Variants in MEGF8 observed in about 807,000 individuals in gnomAD.
MEGF8 encodes the protein multiple EGF like domains 8.
MEGF8 carries 156 observed loss-of-function variants against 302.9 expected under a neutral mutation model. The ratio of observed to expected loss-of-function variants is 0.52; its 90% CI spans 0.45 to 0.59. The LOEUF (loss-of-function observed/expected upper bound fraction) is 0.59, where lower values mean the gene tolerates loss of function less well. MEGF8 is among the 20% of genes least tolerant of loss of function. MEGF8 has a pLI of 0.00. For missense variants in MEGF8, 3,345 were observed against 3,964.5 expected (o/e 0.84, Z 4.20); for synonymous variants, 1,621 against 1,660.5 (o/e 0.98, Z 0.58).
At chr19:42,335,461 C>T in intron 5 of MEGF8, 76 bp downstream of exon 5, 9 of 1,345,594 alleles carry the variant, frequency 6.7e-6, no homozygotes, top group South Asian at 2.4e-5. Flanking sequence ...GAATGATCCC[C>T]TATCACCTAG....
chr19:42,368,605 G>T lies in MEGF8; in HGVS notation c.6424G>T (p.Gly2142Trp), dbSNP rs770495431. Residue 2142 changes from glycine to tryptophan, a missense_variant, in exon 36 of 42, where the codon GGG becomes TGG. Transcript: ENST00000251268. The surrounding 1 kb of genome is among the most constrained non-coding windows in gnomAD (Gnocchi z 4.9). ...RRPHCGWCAW[G>W]GQDGGGRCME... is the part of the protein sequence containing the mutation. ...CCCCCATTGCGGCTGGTGTGCCTGG[G>T]GGGGCCAGGATGGGGGTGGCCGCTG... The T allele has an allele frequency of 1.3e-5, 20 of 1,572,650 alleles. No individual in the cohort carries two copies. Among genetic ancestry groups the T allele is most frequent in the Non-Finnish European group, 1.6e-5 (19 of 1,159,844 alleles).
rs754382502 is a variant in MEGF8, at chr19:42,370,295, T to C, written c.6941T>C (p.Ile2314Thr). 6.2e-7 allele frequency: 1 copy of C among 1,613,038 alleles called. No homozygotes were observed. The highest frequency in any genetic ancestry group is 8.5e-7 in the Non-Finnish European group (1 of 1,179,600). Reference protein sequence around the residue: ...AFCRGNSHICISRKELQMSKG... With the variant: ...AFCRGNSHICTSRKELQMSKG... ...TGTCGTGGAAATAGCCACATCTGCATCTCCAGGAAGGAGTTACAAATGTCC... is the reference window on the plus strand; with the variant it reads ...TGTCGTGGAAATAGCCACATCTGCACCTCCAGGAAGGAGTTACAAATGTCC... The change falls in exon 39 of 42, where the codon ATC becomes ACC. Residue 2314 changes from isoleucine (I) to threonine (T), a missense_variant. Coordinates refer to ENST00000251268, the MANE Select transcript of MEGF8 (RefSeq NM_001271938.2).
chr19:42,362,319 A>ACCGAGTT, intron 33 of MEGF8, 65 bp from the exon 34 acceptor site: 1 of 1,610,918 alleles, frequency 6.2e-7, no homozygotes, highest in East Asian at 2.2e-5. Flanking sequence ...CTCAGGAACC[A>ACCGAGTT]CCGAGTTCTC....
At chr19:42,331,164 C>T (rs1289203556) in intron 1 of MEGF8, among the ~76,000 whole-genome samples, 2 of 152,160 alleles carry the variant, frequency 1.3e-5, no homozygotes, top group Non-Finnish European at 2.9e-5. Flanking sequence ...GTCATCACCT[C>T]GTTGAATGTT....
At chr19:42,326,910 G>A (rs1394532884) in intron 1 of MEGF8, among the ~76,000 whole-genome samples, 1 of 151,776 alleles carries the variant, frequency 6.6e-6, no homozygotes, top group Non-Finnish European at 1.5e-5. Flanking sequence ...TCACCATGTC[G>A]CCCAGGCTAG....
rs1294021773 is a variant in MEGF8, at chr19:42,355,936, C to G, written c.4323C>G (p.Gly1441=). 6.2e-7 allele frequency: 1 copy of G among 1,608,226 alleles called. No individual in the cohort carries two copies. The highest frequency in any genetic ancestry group is 8.5e-7 in the Non-Finnish European group (1 of 1,177,994). The change falls in exon 24 of 42, where the codon GGC becomes GGG. Residue 1441 remains glycine, a synonymous_variant. Transcript: ENST00000251268. The stretch of plus-strand genomic sequence containing the variant: ...GCCGATGTCCTCAGGGCTGGGCTGG[C>G]CCACACTGCCGCATGGCTCTGTGTC... ...GLCRCPQGWA[G]PHCRMALCPE...
At position 42,354,036 on chromosome 19, in the gene MEGF8, G is replaced by A. The variant is rs1397610905; in HGVS notation, c.4011+12G>A. 2 of 1,582,610 alleles carry A rather than the reference G, an allele frequency of 1.3e-6. No individual in the cohort carries two copies. The highest frequency in any genetic ancestry group is 2.3e-5 in the East Asian group (1 of 43,056). On this transcript the variant is annotated intron_variant, in intron 22 of 41. Transcript: ENST00000251268. The surrounding 1 kb of genome is among the most constrained non-coding windows in gnomAD (Gnocchi z 4.3). Reference sequence around the variant, plus strand: ...GCACCCCCTGCACGGTGAGCACTGAGGAAACGAGGGTTCAGGCGCATGAGC... The same window carrying A: ...GCACCCCCTGCACGGTGAGCACTGAAGAAACGAGGGTTCAGGCGCATGAGC...
At chr19:42,349,300 A>G (rs2039334380) in intron 13 of MEGF8, among the ~76,000 whole-genome samples, 199 bp from the exon 14 acceptor site, 2 of 146,840 alleles carry the variant, frequency 1.4e-5, no homozygotes, top group Admixed American at 1.3e-4. Flanking sequence ...ACCCTGTCTC[A>G]AGAAAAAAAA....
chr19:42,348,965 G>A (rs1474010488), intron 13 of MEGF8, among the ~76,000 whole-genome samples: 2 of 152,140 alleles, frequency 1.3e-5, no homozygotes, highest in African/African-American at 4.8e-5. Context: ...GAATTTGAGG[G>A]AAACTTTGAA....
At chr19:42,367,144 G>T (rs1206032) in intron 35 of MEGF8, among the ~76,000 whole-genome samples, 1 of 151,988 alleles carries the variant, frequency 6.6e-6, no homozygotes, top group Non-Finnish European at 1.5e-5. Flanking sequence ...CATTGTGCAC[G>T]TTTTTGGGGT....
intron 1 of MEGF8, among the ~76,000 whole-genome samples, chr19:42,327,734 T>G (rs901385758): frequency 2.6e-5 from 4 of 152,192 alleles, no homozygotes; most frequent in African/African-American, 9.7e-5. Context: ...CAGGCAAGAA[T>G]AGCTGTGCAA....
chr19:42,375,922 C>T lies in MEGF8; in HGVS notation c.7685C>T (p.Ala2562Val), dbSNP rs1426437474. The T allele has an allele frequency of 1.9e-6, 3 of 1,599,766 alleles. No individual in the cohort carries two copies. Among genetic ancestry groups the T allele is most frequent in the Non-Finnish European group, 2.6e-6 (3 of 1,172,998 alleles). ...AGASSGPGAP[A>V]EPRVREVWPR... ...GCCAGCAGTGGGCCGGGCGCCCCAG[C>T]AGAGCCACGGGTACGGGAGGTATGG... Residue 2562 changes from alanine (A) to valine (V), a missense_variant, in exon 42 of 42, where the codon GCA becomes GTA. By Grantham distance (64) the Ala-to-Val change is moderately conservative. Transcript: ENST00000251268. This position sits in a 1 kb window ranked among gnomAD's most constrained non-coding sequence, Gnocchi z 7.1.
intron 7 of MEGF8, 55 bp from the exon 8 acceptor site, chr19:42,337,029 G>A: frequency 6.2e-7 from 1 of 1,612,860 alleles, no homozygotes; most frequent in Non-Finnish European, 8.5e-7. Flanking sequence ...CCCTGCAGGG[G>A]AGTCCCCCCA....
chr19:42,352,132 C>T lies in MEGF8; in HGVS notation c.3102-76C>T. The T allele has an allele frequency of 2.1e-6, 3 of 1,439,712 alleles. No individual in the cohort carries two copies. Among genetic ancestry groups the T allele is most frequent in the South Asian group, 1.5e-5 (1 of 67,272 alleles). 89.2% of individuals were successfully genotyped at this position (1,439,712 alleles called of 1,614,324 possible). A position where few individuals can be genotyped will look rare whatever the true frequency, so the allele number is the denominator to read the frequency against. On this transcript the variant is annotated intron_variant, in intron 18 of 41. Transcript: ENST00000251268. This position sits in a 1 kb window ranked among gnomAD's most constrained non-coding sequence, Gnocchi z 4.4. ...TCCCTCTCCTTCCAATTGGCCTCCT[C>T]TCTCCCTGTCATTGTTTCTATGTAT...
chr19:42,362,624 G>C (rs757156027), intron 34 of MEGF8, 27 bp downstream of exon 34: 17 of 1,604,700 alleles, frequency 1.1e-5, no homozygotes, highest in Non-Finnish European at 1.4e-5. Flanking sequence ...GTTCCTGAGA[G>C]GGGAGTCTTG....
At position 42,349,513 on chromosome 19, in the gene MEGF8, C is replaced by G. The variant is rs1335996739; in HGVS notation, c.2313C>G (p.Arg771=). Residue 771 remains arginine, a synonymous_variant, in exon 14 of 42, where the codon CGC becomes CGG. Coordinates refer to ENST00000251268, the MANE Select transcript of MEGF8 (RefSeq NM_001271938.2). The part of the protein sequence containing the change: ...PDTENMEEVG[R]WVAHQEKETR... ...ACCTACCCCAGGAGGAGGTGGGGCG[C>G]TGGGTGGCTCATCAGGAGAAGGAGA... 6.2e-7 allele frequency: 1 copy of G among 1,611,758 alleles called. No individual in the cohort carries two copies.
intron 1 of MEGF8, among the ~76,000 whole-genome samples, chr19:42,330,874 G>A (rs538081448): frequency 6.6e-6 from 1 of 152,354 alleles, no homozygotes; most frequent in East Asian, 1.9e-4. Context: ...GACAGAGGGA[G>A]AAGCTTGTAC....
chr19:42,370,356 G>C lies in MEGF8; in HGVS notation c.7002G>C (p.Glu2334Asp). The part of the protein sequence containing the change: ...GEPKKYSLDP[E>D]EIENWVTEGP... ...CAAAGAAGTACTCACTGGACCCAGAGGAGGTGAAAGAGAGGGGTCAGATGC... is the reference window on the plus strand; with the variant it reads ...CAAAGAAGTACTCACTGGACCCAGACGAGGTGAAAGAGAGGGGTCAGATGC... Residue 2334 changes from glutamate (E) to aspartate (D), a missense_variant, in exon 39 of 42, where the codon GAG (glutamate) becomes GAC (aspartate). Glu to Asp is a conservative substitution (Grantham distance 45). Transcript: ENST00000251268. 6.4e-7 allele frequency: 1 copy of C among 1,569,882 alleles called. No individual in the cohort carries two copies. Among genetic ancestry groups the C allele is most frequent in the Non-Finnish European group, 8.6e-7 (1 of 1,157,426 alleles).
Position 42,335,967 on chromosome 19 carries a change from G to T in MEGF8, c.865G>T (p.Gly289Cys). ...CTCCCATGTGGCCGTGGCCTGGGCC[G>T]GCTCCCTGGTACTGATGGGTGGTGA... The part of the protein sequence containing the change: ...RHSHVAVAWA[G>C]SLVLMGGELA... The change falls in exon 6 of 42, where the codon GGC (glycine) becomes TGC (cysteine). Residue 289 changes from glycine (G) to cysteine (C), a missense_variant. Gly to Cys is a radical substitution (Grantham distance 159). Transcript: ENST00000251268. The T allele has an allele frequency of 6.6e-7, 1 of 1,507,506 alleles. No homozygotes were observed. The highest frequency in any genetic ancestry group is 8.9e-7 in the Non-Finnish European group (1 of 1,125,974). 93.4% of individuals were successfully genotyped at this position (1,507,506 alleles called of 1,614,324 possible).
Sources: allele counts gnomAD v4.1 joint callset (sites outside exome capture counted in the v4.1 genomes callset), GRCh38; gene constraint gnomAD v4.1.1; non-coding constraint Gnocchi (gnomAD v3.1); transcripts MANE v1.5; gene names NCBI Gene and HGNC (gene_info 2026-07-23, HGNC 2026-07-21).